Variants in CYP7B1 observed in about 807,000 individuals in gnomAD.
CYP7B1 encodes cytochrome P450 family 7 subfamily B member 1, also known as cytochrome P450 7B1.
Under a neutral mutation model 42.7 loss-of-function variants are expected in CYP7B1, and 29 were observed. That is an observed-to-expected ratio of 0.68 (90% CI 0.51 to 0.93). CYP7B1 has a LOEUF of 0.93. CYP7B1 is among the 40% of genes least tolerant of loss of function. The pLI is 0.00. For missense variants in CYP7B1, 655 were observed against 600.5 expected (o/e 1.09, Z -0.95); for synonymous variants, 235 against 218.2 (o/e 1.08, Z -0.68).
chr8:64,710,132 TG>T (rs1248870961), intron 1 of CYP7B1, among the ~76,000 whole-genome samples: 1 of 152,212 alleles, frequency 6.6e-6, no homozygotes, highest in African/African-American at 2.4e-5. Flanking sequence ...CCTGTGATTC[TG>T]GAATCTATCC....
chr8:64,640,764 T>A (rs924986229), intron 1 of CYP7B1, among the ~76,000 whole-genome samples: 1 of 152,134 alleles, frequency 6.6e-6, no homozygotes, highest in Non-Finnish European at 1.5e-5. Context: ...CACAATCCAA[T>A]GATTGTGACA....
At chr8:64,693,099 G>A (rs140656084) in intron 1 of CYP7B1, among the ~76,000 whole-genome samples, 15 of 152,284 alleles carry the variant, frequency 9.9e-5, no homozygotes, top group African/African-American at 3.6e-4. Context: ...TTCTCCAAAG[G>A]AAGTCCCATT....
At chr8:64,729,185 A>ATT (rs1563407363) in intron 1 of CYP7B1, among the ~76,000 whole-genome samples, 1 of 152,220 alleles carries the variant, frequency 6.6e-6, no homozygotes, top group East Asian at 1.9e-4. Flanking sequence ...AAATCAGAGA[A>ATT]GCTCTAAGAT....
intron 1 of CYP7B1, among the ~76,000 whole-genome samples, chr8:64,626,335 T>G (rs1204256821): frequency 6.6e-6 from 1 of 152,340 alleles, no homozygotes; most frequent in East Asian, 1.9e-4. Context: ...GCTCTTGCTG[T>G]GCCCTGGGTT....
At chr8:64,749,320 A>C (rs1447426573) in intron 1 of CYP7B1, among the ~76,000 whole-genome samples, 1 of 152,114 alleles carries the variant, frequency 6.6e-6, no homozygotes, top group African/African-American at 2.4e-5. Context: ...ATCTCAGGTG[A>C]TCCACTCGCC....
intron 1 of CYP7B1, among the ~76,000 whole-genome samples, chr8:64,760,689 A>G (rs536808557): frequency 4.6e-5 from 7 of 152,184 alleles, no homozygotes; most frequent in Admixed American, 1.3e-4. Flanking sequence ...TTATCAAAAT[A>G]TAAGAAATAA....
intron 1 of CYP7B1, among the ~76,000 whole-genome samples, chr8:64,673,066 A>G (rs1563385410): frequency 2.0e-5 from 3 of 152,124 alleles, no homozygotes; most frequent in Admixed American, 1.3e-4. Flanking sequence ...CACACCATAA[A>G]GGCACAAGCT....
chr8:64,770,256 T>G (rs1482998848), intron 1 of CYP7B1, among the ~76,000 whole-genome samples: 1 of 152,054 alleles, frequency 6.6e-6, no homozygotes, highest in Non-Finnish European at 1.5e-5. Context: ...AAAAAAAATT[T>G]GGAAAAAAAT....
At chr8:64,720,145 A>C (rs1420960158) in intron 1 of CYP7B1, among the ~76,000 whole-genome samples, 1 of 152,176 alleles carries the variant, frequency 6.6e-6, no homozygotes, top group Non-Finnish European at 1.5e-5. Flanking sequence ...ATAGCTAAGG[A>C]TTTTTTAATG....
intron 1 of CYP7B1, among the ~76,000 whole-genome samples, chr8:64,649,391 C>T (rs111928209): frequency 1.6e-3 from 243 of 152,198 alleles, no homozygotes; most frequent in Non-Finnish European, 2.9e-3. Context: ...GCGGAATTTT[C>T]TTCCGTTTTA....
At chr8:64,711,729 T>G (rs1458685248) in intron 1 of CYP7B1, among the ~76,000 whole-genome samples, 1 of 152,210 alleles carries the variant, frequency 6.6e-6, no homozygotes, top group African/African-American at 2.4e-5. Context: ...TACGCCTTCC[T>G]TCTATAAAAC....
chr8:64,767,493 G>A (rs1009548099), intron 1 of CYP7B1, among the ~76,000 whole-genome samples: 2 of 152,210 alleles, frequency 1.3e-5, no homozygotes, highest in Admixed American at 6.5e-5. Context: ...GGAACCTCAC[G>A]AGGACATAGT....
intron 1 of CYP7B1, among the ~76,000 whole-genome samples, chr8:64,652,623 T>C (rs775279002): frequency 6.6e-6 from 1 of 152,142 alleles, no homozygotes; most frequent in Non-Finnish European, 1.5e-5. Context: ...GGCAGGCGGA[T>C]CACGAGGTCA....
At chr8:64,653,072 A>G (rs570273259) in intron 1 of CYP7B1, among the ~76,000 whole-genome samples, 5 of 152,168 alleles carry the variant, frequency 3.3e-5, no homozygotes, top group African/African-American at 1.2e-4. Flanking sequence ...CAGCAACCTA[A>G]CATCACAACT....
chr8:64,798,580 C>G lies in CYP7B1; in HGVS notation c.8G>C (p.Gly3Ala), dbSNP rs1052965378. ...GCGGCCCGTGGCCGCGGACACTTCTCCTGCCATCCGGCGCGCGCTAGGCCG... is the reference window on the plus strand; with the variant it reads ...GCGGCCCGTGGCCGCGGACACTTCTGCTGCCATCCGGCGCGCGCTAGGCCG... MA[G>A]EVSAATGRFS... is the part of the protein sequence containing the mutation. The change falls in exon 1 of 6, where the codon GGA (glycine) becomes GCA (alanine). Residue 3 changes from glycine (G) to alanine (A), a missense_variant. By Grantham distance (60) the Gly-to-Ala change is moderately conservative. Coordinates refer to ENST00000310193, the MANE Select transcript of CYP7B1 (RefSeq NM_004820.5). 2.7e-6 allele frequency: 4 copies of G among 1,471,554 alleles called. No individual in the cohort carries two copies. The East Asian group carries it at 8.7e-5, about 32-fold the overall frequency. 91.2% of individuals were successfully genotyped at this position (1,471,554 alleles called of 1,614,324 possible).
intron 1 of CYP7B1, among the ~76,000 whole-genome samples, chr8:64,661,314 C>T (rs1806196507): frequency 6.6e-6 from 1 of 152,198 alleles, no homozygotes; most frequent in Non-Finnish European, 1.5e-5. Flanking sequence ...TTAAACAGCA[C>T]TTTATAAATG....
chr8:64,730,898 C>T (rs1216991888), intron 1 of CYP7B1, among the ~76,000 whole-genome samples: 10 of 152,050 alleles, frequency 6.6e-5, no homozygotes, highest in South Asian at 4.1e-4. Context: ...ATCATGGAAG[C>T]GGTCCCCTCA....
intron 1 of CYP7B1, among the ~76,000 whole-genome samples, chr8:64,694,003 A>C (rs972565776): frequency 6.6e-6 from 1 of 152,214 alleles, no homozygotes; most frequent in Admixed American, 6.5e-5. Context: ...TCTGTCCTCA[A>C]TACGCGTTGA....
chr8:64,619,021 G>C (rs982939822), intron 2 of CYP7B1, among the ~76,000 whole-genome samples: 1 of 152,034 alleles, frequency 6.6e-6, no homozygotes, highest in Non-Finnish European at 1.5e-5. Flanking sequence ...TTTTCATGTG[G>C]GTTTGGAAGT....
Sources: gnomAD v4.1 joint callset for allele counts (sites outside exome capture counted in the v4.1 genomes callset) on GRCh38, gnomAD v4.1.1 for gene constraint, MANE v1.5 for transcripts, NCBI Gene and HGNC (gene_info 2026-07-23, HGNC 2026-07-21) for gene names.